The following VRK1 variants were observed in gnomAD, a reference collection of about 807,000 sequenced individuals.
VRK1 encodes the protein VRK serine/threonine kinase 1.
In VRK1, 33 loss-of-function variants were observed where a neutral mutation model predicts 57.1. That is an observed-to-expected ratio of 0.58 (90% CI 0.44 to 0.77). The LOEUF (loss-of-function observed/expected upper bound fraction) is 0.77, where lower values mean the gene tolerates loss of function less well. VRK1 is among the 30% of genes least tolerant of loss of function. The pLI, the probability that VRK1 is intolerant of heterozygous loss-of-function variation, is 0.00. For missense variants in VRK1, 413 were observed against 477.3 expected, an observed-to-expected ratio of 0.87 and a Z score of 1.25; for synonymous variants, 137 against 147.8, an observed-to-expected ratio of 0.93 and a Z score of 0.53.
At chr14:96,798,674 G>T (rs1595630391) in intron 1 of VRK1, among the ~76,000 whole-genome samples, 1 of 152,106 alleles carries the variant, frequency 6.6e-6, no homozygotes. Context: ...GACAATAAAG[G>T]CACCTTTCTT....
intron 5 of VRK1, among the ~76,000 whole-genome samples, chr14:96,848,059 C>T (rs1392266377): frequency 6.6e-6 from 1 of 152,078 alleles, no homozygotes; most frequent in Non-Finnish European, 1.5e-5. Flanking sequence ...TAGTTTGGAA[C>T]TGGGGATATA....
intron 1 of VRK1, among the ~76,000 whole-genome samples, chr14:96,819,746 A>G (rs182624180): frequency 6.6e-6 from 1 of 152,306 alleles, no homozygotes; most frequent in Non-Finnish European, 1.5e-5. Flanking sequence ...TTTCCCTGCA[A>G]AAATTTGTTG....
chr14:96,833,715 T>G (rs1034540601), intron 2 of VRK1, 84 bp downstream of exon 2: 1 of 1,589,878 alleles, frequency 6.3e-7, no homozygotes, highest in Middle Eastern at 1.7e-4. Context: ...TGAGCTGTTA[T>G]GGGATGTTCC....
intron 11 of VRK1, among the ~76,000 whole-genome samples, chr14:96,868,451 G>C (rs759979044): frequency 1.3e-5 from 2 of 152,158 alleles, no homozygotes; most frequent in Non-Finnish European, 2.9e-5. Flanking sequence ...TTGAGTGTCT[G>C]AATAGCTTCT....
chr14:96,875,947 C>T, intron 11 of VRK1, 83 bp from the exon 12 acceptor site: 1 of 1,428,850 alleles, frequency 7.0e-7, no homozygotes, highest in Non-Finnish European at 9.8e-7. Flanking sequence ...CATTTATACA[C>T]ACACACAGAC....
intron 10 of VRK1, among the ~76,000 whole-genome samples, chr14:96,857,394 G>A (rs1423083903): frequency 6.6e-6 from 1 of 152,162 alleles, no homozygotes; most frequent in Non-Finnish European, 1.5e-5. Flanking sequence ...AGTGAGCTGT[G>A]TAGAAGTCTG....
intron 11 of VRK1, among the ~76,000 whole-genome samples, chr14:96,865,179 G>T (rs564073452): frequency 6.6e-6 from 1 of 152,196 alleles, no homozygotes; most frequent in African/African-American, 2.4e-5. Flanking sequence ...TTATTTTCAA[G>T]AAAGTTTATC....
intron 1 of VRK1, among the ~76,000 whole-genome samples, chr14:96,799,160 A>G (rs531879475): frequency 8.5e-5 from 13 of 152,376 alleles, no homozygotes; most frequent in African/African-American, 3.1e-4. Flanking sequence ...TGTGTTAAGC[A>G]TAGAGCCTGG....
chr14:96,875,997 A>ATCTC, intron 11 of VRK1, 33 bp from the exon 12 acceptor site: 1 of 1,585,784 alleles, frequency 6.3e-7, no homozygotes, highest in Non-Finnish European at 8.6e-7. Context: ...ACTGTCAGAT[A>ATCTC]TCTCTCTCTC....
At chr14:96,797,737 C>A (rs142551720) in intron 1 of VRK1, among the ~76,000 whole-genome samples, 1 of 152,206 alleles carries the variant, frequency 6.6e-6, no homozygotes, top group African/African-American at 2.4e-5. Context: ...GTTCTGGACG[C>A]GCGTGGTGTC....
chr14:96,807,986 C>CCTCTCTCT (rs1885954467), intron 1 of VRK1, among the ~76,000 whole-genome samples: 1 of 53,888 alleles, frequency 1.9e-5, no homozygotes, highest in Admixed American at 1.9e-4. Context: ...TGTCTCTCTC[C>CCTCTCTCT]CTCTCTCCCT....
At chr14:96,839,605 G>A (rs1358769465) in intron 3 of VRK1, among the ~76,000 whole-genome samples, 1 of 151,970 alleles carries the variant, frequency 6.6e-6, no homozygotes, top group Admixed American at 6.6e-5. Context: ...AATGATTTTG[G>A]GCAGTTTTTT....
rs990918124 is a variant in VRK1, at chr14:96,815,260, C to T, written c.-6+17813C>T. ...GCTGAGTCTATTTGTTATTGATTTC[C>T]AGGATATATTGTTAGTGAAAGAAAT... On this transcript the variant is annotated intron_variant, in intron 1 of 12. Coordinates refer to ENST00000216639, the MANE Select transcript of VRK1 (RefSeq NM_003384.3). Among the ~76,000 whole-genome samples the T allele has an allele frequency of 9.2e-5, 14 of 151,774 alleles. No individual in the cohort carries two copies. The East Asian group carries it at 2.7e-3, about 29-fold the overall frequency.
chr14:96,880,102 A>C (rs1224860265), intron 12 of VRK1, among the ~76,000 whole-genome samples: 1 of 152,186 alleles, frequency 6.6e-6, no homozygotes, highest in Non-Finnish European at 1.5e-5. Context: ...AGAAAAAAGG[A>C]TATTCATATA....
At chr14:96,812,054 T>C (rs1380037920) in intron 1 of VRK1, among the ~76,000 whole-genome samples, 2 of 152,236 alleles carry the variant, frequency 1.3e-5, no homozygotes, top group Non-Finnish European at 2.9e-5. Context: ...ATGTAGTGTT[T>C]TGTGACCAGT....
chr14:96,855,106 T>A, intron 7 of VRK1, 118 bp from the exon 8 acceptor site: 1 of 1,438,424 alleles, frequency 7.0e-7, no homozygotes, highest in Admixed American at 1.7e-5. Context: ...TGGAGTGTTA[T>A]GGAATGACCT....
intron 1 of VRK1, among the ~76,000 whole-genome samples, chr14:96,800,647 G>C (rs944435205): frequency 3.3e-5 from 5 of 152,028 alleles, no homozygotes; most frequent in African/African-American, 2.4e-5. Context: ...CTTTAGGTAA[G>C]TATATGGATT....
intron 11 of VRK1, among the ~76,000 whole-genome samples, chr14:96,870,683 G>A (rs573290503): frequency 1.3e-5 from 2 of 152,272 alleles, no homozygotes; most frequent in African/African-American, 4.8e-5. Flanking sequence ...GTTTTCAAAA[G>A]TGTCATTAGG....
At chr14:96,875,845 T>G (rs1889006157) in intron 11 of VRK1, among the ~76,000 whole-genome samples, 185 bp from the exon 12 acceptor site, 1 of 152,180 alleles carries the variant, frequency 6.6e-6, no homozygotes, top group Non-Finnish European at 1.5e-5. Context: ...TACTCCCCCT[T>G]TCTTCCATCC....
Sources: gnomAD v4.1 joint callset for allele counts (sites outside exome capture counted in the v4.1 genomes callset) on GRCh38, gnomAD v4.1.1 for gene constraint, MANE v1.5 for transcripts, NCBI Gene and HGNC (gene_info 2026-07-23, HGNC 2026-07-21) for gene names.